ADCK1: variants seen among roughly 807,000 people sequenced by gnomAD.
The protein encoded by ADCK1 is aarF domain-containing protein kinase 1.
A neutral mutation model predicts 52.3 loss-of-function variants in ADCK1; 41 were observed. The ratio of observed to expected loss-of-function variants is 0.78; its 90% CI spans 0.61 to 1.02. The LOEUF is 1.02. Among genes scored for constraint, ADCK1 ranks in the 50% least tolerant of loss-of-function variants. ADCK1 has a pLI of 0.00. For synonymous variants in ADCK1, 250 were observed against 274.6 expected, an observed-to-expected ratio of 0.91 and a Z score of 0.89; for missense variants, 658 against 679.5, an observed-to-expected ratio of 0.97 and a Z score of 0.35.
intron 5 of ADCK1, among the ~76,000 whole-genome samples, chr14:77,889,164 G>A (rs2083226637): frequency 6.6e-6 from 1 of 152,238 alleles, no homozygotes; most frequent in South Asian, 2.1e-4. Flanking sequence ...ATGTGGAACT[G>A]TGCGTCCATT....
chr14:77,883,324 G>T (rs2083074830), intron 4 of ADCK1, among the ~76,000 whole-genome samples: 1 of 151,282 alleles, frequency 6.6e-6, no homozygotes, highest in African/African-American at 2.4e-5. Flanking sequence ...GCTGCAGTTT[G>T]TTTCTGGTAA....
chr14:77,823,438 T>A (rs970107801), intron 3 of ADCK1, among the ~76,000 whole-genome samples: 2 of 152,192 alleles, frequency 1.3e-5, no homozygotes, highest in Non-Finnish European at 2.9e-5. Flanking sequence ...TTAAACTTTT[T>A]ATTATGACAA....
intron 1 of ADCK1, 132 bp downstream of exon 1, chr14:77,800,302 GCC>G (rs1327979588): frequency 2.0e-5 from 3 of 152,522 alleles, no homozygotes; most frequent in Non-Finnish European, 4.4e-5. Flanking sequence ...CGGTTGTGCA[GCC>G]GCCCTGGGCG....
chr14:77,807,503 A>G, intron 1 of ADCK1, among the ~76,000 whole-genome samples: 1 of 146,318 alleles, frequency 6.8e-6, no homozygotes, highest in African/African-American at 2.5e-5. Context: ...CACCACGCCC[A>G]GCTAATTTTT....
chr14:77,820,671 TAC>T (rs1266005948), intron 2 of ADCK1, among the ~76,000 whole-genome samples: 4 of 145,730 alleles, frequency 2.7e-5, no homozygotes, highest in Non-Finnish European at 6.0e-5. Context: ...TGTGTGTGTA[TAC>T]ACACATATAT....
At chr14:77,807,690 G>A (rs2081259912) in intron 1 of ADCK1, among the ~76,000 whole-genome samples, 1 of 151,704 alleles carries the variant, frequency 6.6e-6, no homozygotes, top group South Asian at 2.1e-4. Flanking sequence ...TGTATTTTTA[G>A]TAGAGATGGG....
intron 3 of ADCK1, 109 bp downstream of exon 3, chr14:77,822,627 G>A (rs2140039049): frequency 2.1e-6 from 2 of 955,674 alleles, no homozygotes; most frequent in Non-Finnish European, 1.7e-6. Context: ...TGGGATTAAA[G>A]GCATGAGCCA....
chr14:77,807,508 ATT>A (rs35510266), intron 1 of ADCK1, among the ~76,000 whole-genome samples: 21 of 130,244 alleles, frequency 1.6e-4, no homozygotes, highest in Admixed American at 2.3e-4. Flanking sequence ...CGCCCAGCTA[ATT>A]TTTTTTTTTT....
intron 4 of ADCK1, among the ~76,000 whole-genome samples, chr14:77,865,207 G>A (rs1035775012): frequency 4.0e-5 from 6 of 151,498 alleles, no homozygotes; most frequent in African/African-American, 1.5e-4. Context: ...AGCTGAGTGC[G>A]ATGGCTTATG....
intron 3 of ADCK1, among the ~76,000 whole-genome samples, chr14:77,830,634 A>G (rs2081827600): frequency 6.6e-6 from 1 of 151,398 alleles, no homozygotes; most frequent in South Asian, 2.1e-4. Context: ...CCACTTGCCA[A>G]AAATATTTTT....
Position 77,931,653 on chromosome 14 carries a change from C to T in ADCK1, c.1342C>T (p.Arg448Cys), listed in dbSNP as rs961891343. The change falls in exon 10 of 11, where the codon CGC (arginine) becomes TGC (cysteine). Residue 448 changes from arginine (R) to cysteine (C), a missense_variant. Transcript: ENST00000238561. ...TGGCATTGAGGCCGCCCTGGGCACC[C>T]GCGCCAGCGCCAGCTCCTTTCTCAA... ...LRGIEAALGTRASASSFLNMS... is the reference protein window; with the variant it reads ...LRGIEAALGTCASASSFLNMS... 9 of 1,610,722 alleles carry T rather than the reference C, an allele frequency of 5.6e-6. No homozygotes were observed. The highest frequency in any genetic ancestry group is 1.6e-4 in the Middle Eastern group (1 of 6,062).
chr14:77,849,394 C>T (rs1373192456), intron 3 of ADCK1, among the ~76,000 whole-genome samples: 1 of 152,120 alleles, frequency 6.6e-6, no homozygotes, highest in East Asian at 1.9e-4. Flanking sequence ...CTCTAATTTA[C>T]CTTTGATTCT....
chr14:77,892,349 G>C (rs8009433), intron 5 of ADCK1, among the ~76,000 whole-genome samples: 1 of 151,954 alleles, frequency 6.6e-6, no homozygotes, highest in Non-Finnish European at 1.5e-5. Context: ...GTTGTGTCAG[G>C]TGGGATGCTT....
intron 1 of ADCK1, among the ~76,000 whole-genome samples, chr14:77,808,721 G>A (rs994407178): frequency 1.3e-5 from 2 of 152,220 alleles, no homozygotes; most frequent in South Asian, 2.1e-4. Flanking sequence ...GATTACAGGC[G>A]CCCACTACCA....
At chr14:77,804,533 C>T (rs942507045) in intron 1 of ADCK1, among the ~76,000 whole-genome samples, 7 of 151,938 alleles carry the variant, frequency 4.6e-5, no homozygotes, top group African/African-American at 9.7e-5. Flanking sequence ...GTAGGGGTGG[C>T]CTCATTGCAT....
chr14:77,868,951 T>C (rs1171642280), intron 4 of ADCK1, among the ~76,000 whole-genome samples: 1 of 151,874 alleles, frequency 6.6e-6, no homozygotes, highest in Non-Finnish European at 1.5e-5. Flanking sequence ...GGGCTGATGG[T>C]TGGGAAGTTC....
chr14:77,900,946 T>C (rs1206036627), intron 6 of ADCK1, among the ~76,000 whole-genome samples: 2 of 152,118 alleles, frequency 1.3e-5, no homozygotes, highest in Non-Finnish European at 1.5e-5. Flanking sequence ...CCATGAGAAG[T>C]ACGGCTTCTA....
intron 10 of ADCK1, among the ~76,000 whole-genome samples, chr14:77,932,412 A>G (rs1431570883): frequency 6.6e-6 from 1 of 152,168 alleles, no homozygotes; most frequent in Admixed American, 6.5e-5. Context: ...GTGCTTCCTC[A>G]GGGAGCTAGT....
intron 3 of ADCK1, among the ~76,000 whole-genome samples, chr14:77,833,263 G>A (rs1156755934): frequency 1.3e-5 from 2 of 152,326 alleles, no homozygotes; most frequent in East Asian, 1.9e-4. Flanking sequence ...GTCTCATTGA[G>A]CTACAGCTCC....
Sources: allele counts gnomAD v4.1 joint callset (sites outside exome capture counted in the v4.1 genomes callset), GRCh38; gene constraint gnomAD v4.1.1; transcripts MANE v1.5; gene names NCBI Gene and HGNC (gene_info 2026-07-23, HGNC 2026-07-21).